TMEM232: variants seen among roughly 807,000 people sequenced by gnomAD.
TMEM232 encodes transmembrane protein 232.
A neutral mutation model predicts 78.8 loss-of-function variants in TMEM232; 80 were observed. That is an observed-to-expected ratio of 1.01 (90% CI 0.85 to 1.22). The LOEUF (loss-of-function observed/expected upper bound fraction) is 1.22, where lower values mean the gene tolerates loss of function less well. Among genes scored for constraint, TMEM232 ranks in the 50% most tolerant of loss-of-function variants. The pLI is 0.00. For missense variants in TMEM232, 881 were observed against 742.2 expected, an observed-to-expected ratio of 1.19 and a Z score of -2.17; for synonymous variants, 297 against 254.3, an observed-to-expected ratio of 1.17 and a Z score of -1.60.
upstream of TMEM232, chr5:110,738,093 G>A: frequency 2.2e-6 from 1 of 461,760 alleles, no homozygotes; most frequent in South Asian, 2.8e-5. Flanking sequence ...TTCGCATCTG[G>A]AAGATCGAGA....
chr5:110,502,767 T>C (rs1347555412), intron 12 of TMEM232, among the ~76,000 whole-genome samples: 1 of 152,176 alleles, frequency 6.6e-6, no homozygotes, highest in Non-Finnish European at 1.5e-5. Flanking sequence ...ATTTGGGCAT[T>C]GTACTCACTG....
At chr5:110,625,602 G>C (rs1010073969) in intron 6 of TMEM232, 169 bp from the exon 7 acceptor site, 5 of 475,320 alleles carry the variant, frequency 1.1e-5, no homozygotes, top group African/African-American at 1.0e-4. Context: ...TGGTATAATA[G>C]AATACTAGAC....
At chr5:110,697,224 C>G (rs1429548864) in intron 1 of TMEM232, among the ~76,000 whole-genome samples, 1 of 152,108 alleles carries the variant, frequency 6.6e-6, no homozygotes, top group Non-Finnish European at 1.5e-5. Context: ...AGAAATGGTG[C>G]TGGGAAAACT....
intron 11 of TMEM232, among the ~76,000 whole-genome samples, chr5:110,537,605 T>C (rs1343296798): frequency 6.6e-6 from 1 of 152,180 alleles, no homozygotes; most frequent in Non-Finnish European, 1.5e-5. Context: ...TACAGCCCCT[T>C]GCCAAGTGCT....
chr5:110,643,191 C>T (rs1313780735), intron 2 of TMEM232, among the ~76,000 whole-genome samples: 3 of 151,932 alleles, frequency 2.0e-5, no homozygotes, highest in African/African-American at 7.2e-5. Flanking sequence ...TCGCTATTCA[C>T]TAAGATGGGG....
chr5:110,407,845 A>C (rs1755848473), intron 2 of TMEM232, among the ~76,000 whole-genome samples: 1 of 152,182 alleles, frequency 6.6e-6, no homozygotes, highest in African/African-American at 2.4e-5. Context: ...CAATGGAATA[A>C]AATTAGCCAT....
intron 12 of TMEM232, among the ~76,000 whole-genome samples, chr5:110,499,430 T>A (rs1765978439): frequency 6.6e-6 from 1 of 152,020 alleles, no homozygotes; most frequent in Non-Finnish European, 1.5e-5. Context: ...CTTTTAAAAA[T>A]TTTATTTGTA....
chr5:110,590,361 A>G (rs891670114), intron 10 of TMEM232, among the ~76,000 whole-genome samples: 7 of 152,104 alleles, frequency 4.6e-5, no homozygotes, highest in Non-Finnish European at 1.0e-4. Context: ...GGGCCATACA[A>G]TAGGAGATGA....
chr5:110,626,641 C>CT (rs1259513296), intron 6 of TMEM232, among the ~76,000 whole-genome samples: 1 of 151,898 alleles, frequency 6.6e-6, no homozygotes, highest in Non-Finnish European at 1.5e-5. Flanking sequence ...TATAGCTAAG[C>CT]TTTTTTTGAA....
chr5:110,485,745 A>G (rs1764390136), intron 12 of TMEM232, among the ~76,000 whole-genome samples: 1 of 152,038 alleles, frequency 6.6e-6, no homozygotes, highest in Non-Finnish European at 1.5e-5. Flanking sequence ...CAAAATTCCA[A>G]TTTTGCAATT....
At chr5:110,437,104 T>C (rs1245751885) in intron 12 of TMEM232, among the ~76,000 whole-genome samples, 1 of 152,096 alleles carries the variant, frequency 6.6e-6, no homozygotes, top group Admixed American at 6.6e-5. Context: ...TTTTCATTTT[T>C]TGTGTCTTTT....
chr5:110,590,784 G>A lies in TMEM232; in HGVS notation c.1276+14325C>T, dbSNP rs144541075. Among the ~76,000 whole-genome samples the A allele has an allele frequency of 7.5e-3, 1,140 of 152,238 alleles. 14 individuals are homozygous for A. The highest frequency in any genetic ancestry group is 0.025 in the African/African-American group (1,057 of 41,548). On this transcript the variant is annotated intron_variant, in intron 10 of 13. Coordinates refer to ENST00000455884, the MANE Select transcript of TMEM232 (RefSeq NM_001039763.4). ...TTGACTTACAGTTCCACATGGCTAG[G>A]GAAGCCTCAGGAAACTTATAATCGT...
chr5:110,733,784 A>C (rs751955280), intron 2 of TMEM232, among the ~76,000 whole-genome samples: 13 of 152,198 alleles, frequency 8.5e-5, no homozygotes, highest in Non-Finnish European at 1.5e-4. Flanking sequence ...AACCCCTGTG[A>C]CATAAATTTA....
At chr5:110,529,469 A>T (rs1771104963) in intron 11 of TMEM232, among the ~76,000 whole-genome samples, 1 of 151,878 alleles carries the variant, frequency 6.6e-6, no homozygotes, top group South Asian at 2.1e-4. Flanking sequence ...CTGGTCTTGA[A>T]CTCCTGACCT....
rs2150283830 is a variant in TMEM232 at position 110,703,500 on chromosome 5, C to T, written c.-13+23127G>A. ...TCCAGGGAAGCCTTTTCACGGATCTCAAGGTTGTTTCTCTTTGCCCATCAG... is the reference window on the plus strand; with the variant it reads ...TCCAGGGAAGCCTTTTCACGGATCTTAAGGTTGTTTCTCTTTGCCCATCAG... On this transcript the variant is annotated intron_variant, in intron 1 of 13. Transcript: ENST00000455884. Among the ~76,000 whole-genome samples, 3 of 152,152 alleles carry T rather than the reference C, an allele frequency of 2.0e-5. No individual in the cohort carries two copies. The Middle Eastern group carries it at 0.01, about 518-fold the overall frequency.
At chr5:110,460,873 T>A (rs1452651900) in intron 12 of TMEM232, among the ~76,000 whole-genome samples, 1 of 152,128 alleles carries the variant, frequency 6.6e-6, no homozygotes, top group African/African-American at 2.4e-5. Flanking sequence ...GTAATTGTTT[T>A]GGGGTGTCAC....
chr5:110,530,871 G>A (rs559022993), intron 11 of TMEM232, among the ~76,000 whole-genome samples: 20 of 152,210 alleles, frequency 1.3e-4, no homozygotes, highest in Admixed American at 1.0e-3. Flanking sequence ...TCTCAAAAAA[G>A]AAATAATAAC....
chr5:110,456,523 T>C (rs1760920170), intron 12 of TMEM232, among the ~76,000 whole-genome samples: 1 of 152,134 alleles, frequency 6.6e-6, no homozygotes, highest in African/African-American at 2.4e-5. Context: ...AAGGATTTTA[T>C]ATAGTAATAG....
chr5:110,499,030 C>T (rs146741132), intron 12 of TMEM232, among the ~76,000 whole-genome samples: 1 of 151,852 alleles, frequency 6.6e-6, no homozygotes, highest in African/African-American at 2.4e-5. Context: ...ACAGTAATAC[C>T]TTAAACAACT....
Sources: gnomAD v4.1 joint callset for allele counts (sites outside exome capture counted in the v4.1 genomes callset) on GRCh38, gnomAD v4.1.1 for gene constraint, MANE v1.5 for transcripts, NCBI Gene and HGNC (gene_info 2026-07-23, HGNC 2026-07-21) for gene names.